Variants in GCA observed in about 807,000 individuals in gnomAD.
GCA encodes grancalcin, EF-hand calcium-binding protein.
A neutral mutation model predicts 32.6 loss-of-function variants in GCA; 30 were observed. The ratio of observed to expected loss-of-function variants is 0.92; its 90% CI spans 0.69 to 1.25. The LOEUF (loss-of-function observed/expected upper bound fraction) is 1.25, where lower values mean the gene tolerates loss of function less well. Among genes scored for constraint, GCA ranks in the 50% most tolerant of loss-of-function variants. The probability of loss-of-function intolerance (pLI) is 0.00; values close to 1 mark genes in which losing one functional copy is unlikely to be tolerated. For missense variants in GCA, 291 were observed against 266.8 expected (o/e 1.09, Z -0.63); for synonymous variants, 102 against 84.6 (o/e 1.21, Z -1.13).
intron 5 of GCA, among the ~76,000 whole-genome samples, chr2:162,357,480 C>T (rs1248880792): frequency 6.6e-6 from 1 of 151,686 alleles, no homozygotes; most frequent in Non-Finnish European, 1.5e-5. Context: ...AAACTTAATG[C>T]AGTTTTAAGT....
At chr2:162,323,360 C>T (rs1683753704) in intron 1 of GCA, among the ~76,000 whole-genome samples, 1 of 151,718 alleles carries the variant, frequency 6.6e-6, no homozygotes, top group Non-Finnish European at 1.5e-5. Flanking sequence ...TTGTAGGTTG[C>T]CTGTTCACTC....
At position 162,360,919 on chromosome 2, in the gene GCA, A is replaced by C; in HGVS notation, c.*676A>C. 8.7e-7 allele frequency: 1 copy of C among 1,152,796 alleles called. No homozygotes were observed. The highest frequency in any genetic ancestry group is 1.1e-6 in the Non-Finnish European group (1 of 931,350). The allele number at this position is 1,152,796 out of a possible 1,614,324, so 71.4% of individuals were successfully genotyped here. ...TCTAAGCAAAAAGTTCTTAATAAAC[A>C]TAGTATTTCTCTCTGCGTCCTATTT... On this transcript the variant is annotated 3_prime_UTR_variant, in exon 8 of 8. Coordinates refer to ENST00000437150, the MANE Select transcript of GCA (RefSeq NM_012198.5).
intron 1 of GCA, among the ~76,000 whole-genome samples, chr2:162,337,984 A>T (rs946804811): frequency 1.3e-5 from 2 of 152,140 alleles, no homozygotes; most frequent in Non-Finnish European, 2.9e-5. Context: ...AAAAATAATC[A>T]GTTCATGTTT....
chr2:162,373,878 TAA>T (rs1176674424), downstream of GCA, among the ~76,000 whole-genome samples: 2 of 152,238 alleles, frequency 1.3e-5, no homozygotes, highest in Non-Finnish European at 2.9e-5. Context: ...CTGTTCATAT[TAA>T]GAGTTAACAG....
intron 1 of GCA, among the ~76,000 whole-genome samples, chr2:162,330,596 A>T (rs542185769): frequency 2.6e-5 from 4 of 152,316 alleles, no homozygotes; most frequent in South Asian, 4.1e-4. Context: ...TTCTGAACCT[A>T]TGTCCAGATT....
intron 4 of GCA, among the ~76,000 whole-genome samples, chr2:162,368,325 T>C (rs1685821316): frequency 6.6e-6 from 1 of 152,008 alleles, no homozygotes; most frequent in Non-Finnish European, 1.5e-5. Flanking sequence ...AGATAAGTAA[T>C]TTACATATAT....
chr2:162,319,116 A>T (rs1044927362), exon 1 of GCA: 1 of 456,458 alleles, frequency 2.2e-6, no homozygotes, highest in Non-Finnish European at 4.4e-6. Context: ...GATGAAGCTC[A>T]GAAGACATCT....
chr2:162,370,904 C>T (rs1170689035), intron 4 of GCA, among the ~76,000 whole-genome samples: 1 of 152,058 alleles, frequency 6.6e-6, no homozygotes, highest in Non-Finnish European at 1.5e-5. Context: ...GCTGGGTTTA[C>T]AGGTGTGAAT....
chr2:162,374,855 C>T (rs1293085325), downstream of GCA, among the ~76,000 whole-genome samples: 2 of 152,042 alleles, frequency 1.3e-5, no homozygotes, highest in East Asian at 1.9e-4. Flanking sequence ...ATGAATGATA[C>T]ATGACTTTGC....
At chr2:162,356,641 G>A (rs1685285065) in intron 4 of GCA, 117 bp from the exon 5 acceptor site, 1 of 866,334 alleles carries the variant, frequency 1.2e-6, no homozygotes, top group African/African-American at 1.7e-5. Context: ...TTATGCAGAA[G>A]TCTGTTCATA....
At chr2:162,332,990 CT>C (rs1289896556) in intron 1 of GCA, among the ~76,000 whole-genome samples, 1 of 152,024 alleles carries the variant, frequency 6.6e-6, no homozygotes, top group Non-Finnish European at 1.5e-5. Flanking sequence ...TTGAAAGTCT[CT>C]GCTGGGGGAT....
rs372896502 is a variant in GCA at position 162,344,225 on chromosome 2, C to T, written c.-24C>T. ...CTGCGGACGCGACTCGAGGGTGACG[C>T]TCGCTCCGCTCGTCCCGCTCGTCAT... is the stretch of plus-strand genomic sequence containing the variant. On this transcript the variant is annotated 5_prime_UTR_variant, in exon 1 of 8. Coordinates refer to ENST00000437150, the MANE Select transcript of GCA (RefSeq NM_012198.5). 1 of 1,613,678 alleles carries T rather than the reference C, an allele frequency of 6.2e-7. No individual in the cohort carries two copies. Among genetic ancestry groups the T allele is most frequent in the South Asian group, 1.1e-5 (1 of 91,080 alleles).
At position 162,362,865 on chromosome 2, in the gene GCA, T is replaced by A. The variant is rs1685634213; in HGVS notation, c.*2622T>A. ...CACTTTAAATGTAATTTCAAGGATT[T>A]CTCATTTGACCTATTTACACATGCA... On this transcript the variant is annotated 3_prime_UTR_variant, in exon 8 of 8. Transcript: ENST00000437150. Among the ~76,000 whole-genome samples, 1 of 151,384 alleles carries A rather than the reference T, an allele frequency of 6.6e-6. No homozygotes were observed. The highest frequency in any genetic ancestry group is 1.5e-5 in the Non-Finnish European group (1 of 67,538).
At chr2:162,327,254 TGTATCTGTTTAGAGTATCTCAAA>T (rs896446267) in intron 1 of GCA, among the ~76,000 whole-genome samples, 2 of 152,190 alleles carry the variant, frequency 1.3e-5, no homozygotes, top group Non-Finnish European at 2.9e-5. Flanking sequence ...AGTGGCTATT[TGTATCTGTTTAGAGTATCTCAAA>T]CGTGCCTTGC....
chr2:162,367,087 A>C (rs1685775378), downstream of GCA, among the ~76,000 whole-genome samples: 1 of 151,914 alleles, frequency 6.6e-6, no homozygotes, highest in South Asian at 2.1e-4. Context: ...GAGGATCCTC[A>C]ACACACCCCT....
At position 162,347,555 on chromosome 2, in the gene GCA, C is replaced by T. The variant is rs188889851; in HGVS notation, c.28-23C>T. Reference sequence around the variant, plus strand: ...AATAGGTAGTATTTATATTACTAACCTTCTCCCCTTTCACTATTATAGTTT... The same window carrying T: ...AATAGGTAGTATTTATATTACTAACTTTCTCCCCTTTCACTATTATAGTTT... On this transcript the variant is annotated intron_variant, in intron 1 of 7. Coordinates refer to ENST00000437150, the MANE Select transcript of GCA (RefSeq NM_012198.5). 1.2e-4 allele frequency: 184 copies of T among 1,503,388 alleles called. No individual in the cohort carries two copies. In the East Asian group the frequency reaches 2.9e-3, roughly 24 times the overall value. The allele number at this position is 1,503,388 out of a possible 1,614,324, so 93.1% of individuals were successfully genotyped here. A position where few individuals can be genotyped will look rare whatever the true frequency, so the allele number is the denominator to read the frequency against.
At chr2:162,324,406 C>T (rs1386745307) in intron 1 of GCA, among the ~76,000 whole-genome samples, 1 of 152,212 alleles carries the variant, frequency 6.6e-6, no homozygotes, top group African/African-American at 2.4e-5. Context: ...CTGGGCTCCC[C>T]TCAACTGCCC....
downstream of GCA, among the ~76,000 whole-genome samples, chr2:162,363,194 G>C (rs948979565): frequency 2.0e-5 from 3 of 151,256 alleles, no homozygotes; most frequent in African/African-American, 7.3e-5. Context: ...CTAGTTTTCT[G>C]GGTAATTAAT....
At chr2:162,363,143 C>T (rs999420435), downstream of GCA, among the ~76,000 whole-genome samples, 2 of 151,300 alleles carry the variant, frequency 1.3e-5, no homozygotes, top group African/African-American at 4.8e-5. Flanking sequence ...TGTCTTTTTA[C>T]GTTTGACAAA....
Sources: gnomAD v4.1 joint callset for allele counts (sites outside exome capture counted in the v4.1 genomes callset) on GRCh38, gnomAD v4.1.1 for gene constraint, MANE v1.5 for transcripts, NCBI Gene and HGNC (gene_info 2026-07-23, HGNC 2026-07-21) for gene names.